RGL1: variants seen among roughly 807,000 people sequenced by gnomAD.
The protein encoded by RGL1 is ral guanine nucleotide dissociation stimulator like 1, also known as ral guanine nucleotide dissociation stimulator-like 1.
Under a neutral mutation model 95.2 loss-of-function variants are expected in RGL1, and 24 were observed. The ratio of observed to expected loss-of-function variants is 0.25; its 90% CI spans 0.18 to 0.35. The LOEUF is 0.35. Ranked by LOEUF, RGL1 falls within the 10% of genes least tolerant of loss-of-function variation. RGL1 has a pLI of 1.00. For synonymous variants in RGL1, 329 were observed against 344.9 expected (o/e 0.95, Z 0.51); for missense variants, 715 against 936.3 (o/e 0.76, Z 3.08).
chr1:183,691,195 T>G (rs1653926954), intron 1 of RGL1, among the ~76,000 whole-genome samples: 1 of 152,236 alleles, frequency 6.6e-6, no homozygotes, highest in Non-Finnish European at 1.5e-5. Flanking sequence ...CTGAATAAAA[T>G]GAACATGACT....
chr1:183,875,289 T>A (rs1019773056), intron 4 of RGL1, among the ~76,000 whole-genome samples: 12 of 152,198 alleles, frequency 7.9e-5, no homozygotes, highest in African/African-American at 2.9e-4. Context: ...GAGAGGTGAC[T>A]TCATACCTGA....
At chr1:183,822,667 C>T (rs1377343057) in intron 2 of RGL1, among the ~76,000 whole-genome samples, 1 of 152,160 alleles carries the variant, frequency 6.6e-6, no homozygotes, top group Non-Finnish European at 1.5e-5. Context: ...TTTATGTTGA[C>T]CTCTTGTTTT....
intron 9 of RGL1, among the ~76,000 whole-genome samples, chr1:183,894,976 C>G (rs1171795663): frequency 6.6e-6 from 1 of 152,154 alleles, no homozygotes; most frequent in Non-Finnish European, 1.5e-5. Context: ...GAATTATAGT[C>G]TGGAAATTTC....
rs146684674 is a variant in RGL1, at chr1:183,841,963, T to G, written c.139-5603T>G. ...TGGGAATATTTCAAAATCTGAAAAA[T>G]TCTGAAATCCAAACCACTTTCAGTC... On this transcript the variant is annotated intron_variant, in intron 2 of 17. Transcript: ENST00000360851. Among the ~76,000 whole-genome samples the G allele has an allele frequency of 3.7e-3, 560 of 152,226 alleles. 1 individual carries two copies. Among genetic ancestry groups the G allele is most frequent in the Non-Finnish European group, 5.5e-3 (376 of 68,012 alleles).
intron 4 of RGL1, 109 bp from the exon 5 acceptor site, chr1:183,880,507 A>G (rs1252521445): frequency 1.2e-6 from 1 of 823,094 alleles, no homozygotes; most frequent in Non-Finnish European, 2.0e-6. Flanking sequence ...TCTGTTGACC[A>G]CCCACCCAAG....
chr1:183,723,017 A>C (rs1656099964), intron 1 of RGL1, among the ~76,000 whole-genome samples: 2 of 152,214 alleles, frequency 1.3e-5, no homozygotes, highest in Admixed American at 1.3e-4. Flanking sequence ...ATGAGAAAGT[A>C]AAATACATGA....
intron 1 of RGL1, among the ~76,000 whole-genome samples, chr1:183,718,938 C>A (rs908331298): frequency 2.0e-5 from 3 of 151,762 alleles, no homozygotes; most frequent in Admixed American, 2.0e-4. Context: ...AACAAAAAAA[C>A]GAAAACGAAC....
chr1:183,726,760 T>C (rs1035733786), intron 1 of RGL1, among the ~76,000 whole-genome samples: 3 of 152,168 alleles, frequency 2.0e-5, no homozygotes, highest in African/African-American at 4.8e-5. Context: ...TCCAAAACGC[T>C]TGGGACCAGA....
chr1:183,687,278 T>C (rs1653647888), intron 1 of RGL1, among the ~76,000 whole-genome samples: 1 of 152,218 alleles, frequency 6.6e-6, no homozygotes, highest in African/African-American at 2.4e-5. Context: ...CACCACTGAA[T>C]CCCCAAGACC....
chr1:183,903,977 C>T (rs1457978805), intron 12 of RGL1, among the ~76,000 whole-genome samples: 1 of 152,194 alleles, frequency 6.6e-6, no homozygotes, highest in Non-Finnish European at 1.5e-5. Flanking sequence ...TCTACCAGTT[C>T]TTGAGTTACT....
In RGL1 at chr1:183,724,964, A is replaced by AACAC. The variant is rs34336567; in HGVS notation, c.-32-17147_-32-17144dup. 0.43 allele frequency among the ~76,000 whole-genome samples: 63,599 copies of AACAC among 149,616 alleles called. 13,936 individuals carry two copies. The highest frequency in any genetic ancestry group is 0.66 in the East Asian group (3,304 of 4,984). ...TCTCTCCCCCAGCTCTAGGCACCAC[A>AACAC]ACACACACACACACACACGGAGGGA... On this transcript the variant is annotated intron_variant, in intron 1 of 18. Coordinates refer to the RGL1 transcript ENST00000304685. The surrounding 1 kb of genome is among the most constrained non-coding windows in gnomAD (Gnocchi z 4.1).
intron 3 of RGL1, among the ~76,000 whole-genome samples, chr1:183,853,794 A>G (rs74966382): frequency 0.066 from 10,026 of 152,252 alleles, 367 homozygotes; most frequent in South Asian, 0.092. Context: ...CAAGTGTACA[A>G]TATCACCTTC....
At chr1:183,817,957 T>C (rs1263260746) in intron 2 of RGL1, among the ~76,000 whole-genome samples, 1 of 152,238 alleles carries the variant, frequency 6.6e-6, no homozygotes, top group East Asian at 1.9e-4. Context: ...GACCGAAAGT[T>C]GATTAAAGTG....
chr1:183,827,713 T>A (rs1662968065), intron 2 of RGL1, among the ~76,000 whole-genome samples: 1 of 152,252 alleles, frequency 6.6e-6, no homozygotes, highest in Non-Finnish European at 1.5e-5. Context: ...CATTTTTTTC[T>A]TATTCCCTCT....
At position 183,902,618 on chromosome 1, in the gene RGL1, C is replaced by T; in HGVS notation, c.1350+18C>T. The T allele has an allele frequency of 6.2e-7, 1 of 1,606,534 alleles. No homozygotes were observed. Among genetic ancestry groups the T allele is most frequent in the Non-Finnish European group, 8.5e-7 (1 of 1,177,266 alleles). ...GGAGAAGGGTAAGTAGAGTTGTTGG[C>T]TGTGTTTCCTTTGTCTGAGCATGAA... On this transcript the variant is annotated intron_variant, in intron 12 of 17. Coordinates refer to ENST00000360851, the MANE Select transcript of RGL1 (RefSeq NM_001297671.3).
Position 183,916,715 on chromosome 1 carries a change from C to T in RGL1, c.2004+14C>T. The T allele has an allele frequency of 6.2e-7, 1 of 1,606,164 alleles. No individual in the cohort carries two copies. Among genetic ancestry groups the T allele is most frequent in the Non-Finnish European group, 8.5e-7 (1 of 1,176,648 alleles). On this transcript the variant is annotated intron_variant, in intron 16 of 17. Transcript: ENST00000360851. ...AAGAGCATCATGGTGAGGAGCAAGCCCTGACCCAGGAGCGGGTTTCCATTT... is the reference window on the plus strand; with the variant it reads ...AAGAGCATCATGGTGAGGAGCAAGCTCTGACCCAGGAGCGGGTTTCCATTT...
At chr1:183,785,902 G>T (rs10157741) in intron 2 of RGL1, among the ~76,000 whole-genome samples, 96,971 of 150,934 alleles carry the variant, frequency 0.64, 31,233 homozygotes, top group East Asian at 0.83. Context: ...CTGGGCAACA[G>T]AGTGTGACCC....
intron 1 of RGL1, among the ~76,000 whole-genome samples, chr1:183,701,367 T>A (rs1654587580): frequency 6.6e-6 from 1 of 152,224 alleles, no homozygotes; most frequent in African/African-American, 2.4e-5. Flanking sequence ...AACCCTCATT[T>A]TCAAGGTACT....
chr1:183,858,409 C>T (rs1354031532), intron 3 of RGL1, among the ~76,000 whole-genome samples: 4 of 152,116 alleles, frequency 2.6e-5, no homozygotes, highest in African/African-American at 9.7e-5. Flanking sequence ...TTATGATCCC[C>T]TAGGCAAAGT....
Sources: gnomAD v4.1 joint callset for allele counts (sites outside exome capture counted in the v4.1 genomes callset) on GRCh38, gnomAD v4.1.1 for gene constraint, Gnocchi (gnomAD v3.1) non-coding constraint, MANE v1.5 for transcripts, NCBI Gene and HGNC (gene_info 2026-07-23, HGNC 2026-07-21) for gene names.